DOCK10: variants seen among roughly 807,000 people sequenced by gnomAD.
DOCK10 encodes the protein dedicator of cytokinesis protein 10.
Under a neutral mutation model 280.1 loss-of-function variants are expected in DOCK10, and 145 were observed. The ratio of observed to expected loss-of-function variants is 0.52; its 90% confidence interval spans 0.45 to 0.59. The LOEUF (loss-of-function observed/expected upper bound fraction) is 0.59. Ranked by LOEUF, DOCK10 falls within the 20% of genes least tolerant of loss-of-function variation. The pLI is 0.00. For missense variants in DOCK10, 2,368 were observed against 2,651.7 expected (o/e 0.89, Z 2.35); for synonymous variants, 915 against 942.2 (o/e 0.97, Z 0.53).
intron 1 of DOCK10, among the ~76,000 whole-genome samples, chr2:225,039,765 C>G (rs73075760): frequency 0.07 from 10,618 of 152,168 alleles, 457 homozygotes; most frequent in Middle Eastern, 0.12. Context: ...ACCTGACAAC[C>G]TTACCTAAAC....
chr2:224,766,083 G>A (rs945036185), intron 55 of DOCK10, among the ~76,000 whole-genome samples: 1 of 152,024 alleles, frequency 6.6e-6, no homozygotes, highest in Non-Finnish European at 1.5e-5. Flanking sequence ...ATTTATAAAT[G>A]TTTGGATGAA....
chr2:224,918,860 GC>G (rs1701498647), intron 2 of DOCK10, among the ~76,000 whole-genome samples: 3 of 143,550 alleles, frequency 2.1e-5, no homozygotes, highest in Admixed American at 7.0e-5. Context: ...TGTGTGTGTG[GC>G]GTGTGTGAGT....
intron 13 of DOCK10, among the ~76,000 whole-genome samples, chr2:224,863,712 A>G (rs976375605): frequency 1.3e-5 from 2 of 152,176 alleles, no homozygotes; most frequent in Non-Finnish European, 2.9e-5. Context: ...CAACCTCCCA[A>G]AGTGCTGGGA....
chr2:224,922,990 G>T (rs1283032942), intron 2 of DOCK10, among the ~76,000 whole-genome samples: 1 of 152,122 alleles, frequency 6.6e-6, no homozygotes, highest in Non-Finnish European at 1.5e-5. Context: ...CATCGATATT[G>T]TCTTTTATTC....
rs536586208 is a variant in DOCK10 at position 224,852,455 on chromosome 2, A to T, written c.2077-13T>A. On this transcript the variant is annotated splice_polypyrimidine_tract_variant and intron_variant, in intron 17 of 55. Coordinates refer to ENST00000258390, the MANE Select transcript of DOCK10 (RefSeq NM_014689.3). Reference sequence around the variant, plus strand: ...TTATATTCCGTGCCTGAAATTACGGAGAGAAAAAATGGAAATTGTAATTTC... The same window carrying T: ...TTATATTCCGTGCCTGAAATTACGGTGAGAAAAAATGGAAATTGTAATTTC... 19 of 1,550,016 alleles carry T rather than the reference A, an allele frequency of 1.2e-5. No individual in the cohort carries two copies. The highest frequency in any genetic ancestry group is 7.9e-5 in the Admixed American group (4 of 50,856).
intron 27 of DOCK10, 74 bp from the exon 28 acceptor site, chr2:224,823,721 ATTTAC>A (rs1694661485): frequency 2.2e-6 from 3 of 1,364,910 alleles, no homozygotes; most frequent in African/African-American, 1.5e-5. Context: ...CAACTGAAAT[ATTTAC>A]TTTATTTTAT....
chr2:224,804,492 G>T lies in DOCK10; in HGVS notation c.4167-279C>A, dbSNP rs374698074. ...TTTACTGGAAATGTTTTCTGAAATA[G>T]GTATCTTCCAAGTTATATCTATATA... On this transcript the variant is annotated intron_variant, in intron 38 of 55. Transcript: ENST00000258390. Among the ~76,000 whole-genome samples the T allele has an allele frequency of 3.0e-4, 45 of 150,600 alleles. 3 individuals are homozygous for T. The East Asian group carries it at 3.9e-3, about 13-fold the overall frequency.
Position 225,038,022 on chromosome 2 carries a change from C to T in DOCK10, c.123+4230G>A, listed in dbSNP as rs569856610. Among the ~76,000 whole-genome samples, 5 of 152,236 alleles carry T rather than the reference C, an allele frequency of 3.3e-5. No individual in the cohort carries two copies. In the South Asian group the frequency reaches 8.3e-4, roughly 25 times the overall value. On this transcript the variant is annotated intron_variant, in intron 1 of 55. Coordinates refer to ENST00000258390, the MANE Select transcript of DOCK10 (RefSeq NM_014689.3). The stretch of plus-strand genomic sequence containing the variant: ...GACTTTCCTCATATGAAAACATAAC[C>T]GTGTGATTTCTGCTAAACCATAAAC...
intron 24 of DOCK10, among the ~76,000 whole-genome samples, chr2:224,839,484 T>C (rs1370214559): frequency 6.6e-6 from 1 of 152,142 alleles, no homozygotes; most frequent in Non-Finnish European, 1.5e-5. Flanking sequence ...TAATTAAACA[T>C]ATGTGGTGCA....
chr2:224,823,015 G>A (rs1694603572), intron 28 of DOCK10, among the ~76,000 whole-genome samples: 2 of 144,158 alleles, frequency 1.4e-5, no homozygotes, highest in Admixed American at 1.4e-4. Flanking sequence ...TTTTGAGACA[G>A]TCTCTCTCTG....
At chr2:224,785,314 T>C (rs1691657108) in intron 50 of DOCK10, among the ~76,000 whole-genome samples, 1 of 151,802 alleles carries the variant, frequency 6.6e-6, no homozygotes, top group South Asian at 2.1e-4. Flanking sequence ...GTATAGATTG[T>C]TTATGCAGAT....
At position 224,805,648 on chromosome 2, in the gene DOCK10, G is replaced by A; in HGVS notation, c.3815-119C>T. On this transcript the variant is annotated intron_variant, in intron 34 of 55. Coordinates refer to ENST00000258390, the MANE Select transcript of DOCK10 (RefSeq NM_014689.3). The surrounding 1 kb of genome is among the most constrained non-coding windows in gnomAD (Gnocchi z 4.3). ...CTGAGGTAGCAGCAGTGTTGTCAAAGACCAACATAACAGCGTCTGGGATTG... is the reference window on the plus strand; with the variant it reads ...CTGAGGTAGCAGCAGTGTTGTCAAAAACCAACATAACAGCGTCTGGGATTG... 2 of 1,331,376 alleles carry A rather than the reference G, an allele frequency of 1.5e-6. No homozygotes were observed. The highest frequency in any genetic ancestry group is 2.1e-6 in the Non-Finnish European group (2 of 964,686). The allele number at this position is 1,331,376 out of a possible 1,614,324, so 82.5% of individuals were successfully genotyped here.
intron 14 of DOCK10, among the ~76,000 whole-genome samples, chr2:224,859,679 T>G (rs1333420125): frequency 6.6e-6 from 1 of 152,218 alleles, no homozygotes; most frequent in Admixed American, 6.5e-5. Context: ...TAATGACAGT[T>G]GATTGTAAGG....
rs1173055029 is a variant in DOCK10 at position 224,913,738 on chromosome 2, A to G, written c.333+2957T>C. Among the ~76,000 whole-genome samples the G allele has an allele frequency of 2.1e-4, 31 of 150,918 alleles. 1 individual carries two copies. The highest frequency in any genetic ancestry group is 2.0e-3 in the Admixed American group (31 of 15,128). ...TGTCTGTTTATTTATTTATTTATTT[A>G]TTTATTTGAGACAGAGTCTCCCTCT... On this transcript the variant is annotated intron_variant, in intron 3 of 55. Transcript: ENST00000258390.
At chr2:224,992,823 T>G (rs1706164524) in intron 1 of DOCK10, among the ~76,000 whole-genome samples, 1 of 152,226 alleles carries the variant, frequency 6.6e-6, no homozygotes, top group African/African-American at 2.4e-5. Context: ...ATTAGAGGGT[T>G]AGAATAGATG....
chr2:224,852,025 C>T (rs16866230), intron 18 of DOCK10, among the ~76,000 whole-genome samples: 1,965 of 152,246 alleles, frequency 0.013, 47 homozygotes, highest in African/African-American at 0.044. Flanking sequence ...CTGCGTAGAC[C>T]ATACGAGGGC....
intron 24 of DOCK10, among the ~76,000 whole-genome samples, chr2:224,839,585 A>G (rs1695823503): frequency 6.6e-6 from 1 of 152,238 alleles, no homozygotes; most frequent in Admixed American, 6.5e-5. Context: ...ATTATGTTAC[A>G]TGAAAAAGCC....
intron 1 of DOCK10, among the ~76,000 whole-genome samples, chr2:225,030,738 A>G: frequency 6.6e-6 from 1 of 152,322 alleles, no homozygotes; most frequent in South Asian, 2.1e-4. Flanking sequence ...AATTCTGCTC[A>G]GTTTACTTCA....
intron 1 of DOCK10, among the ~76,000 whole-genome samples, chr2:225,032,038 A>C (rs1238205326): frequency 3.3e-5 from 5 of 152,222 alleles, no homozygotes; most frequent in Non-Finnish European, 1.5e-5. Flanking sequence ...GATCATTGGG[A>C]TCAAGTCTTC....
Sources: allele counts gnomAD v4.1 joint callset (sites outside exome capture counted in the v4.1 genomes callset), GRCh38; gene constraint gnomAD v4.1.1; non-coding constraint Gnocchi (gnomAD v3.1); transcripts MANE v1.5; gene names NCBI Gene and HGNC (gene_info 2026-07-23, HGNC 2026-07-21).